Variants in RBFOX1 observed in about 807,000 individuals in gnomAD.
The protein encoded by RBFOX1 is RNA binding fox-1 homolog 1, also known as RNA binding protein fox-1 homolog 1.
In RBFOX1, 8 loss-of-function variants were observed where a neutral mutation model predicts 57.7. The observed-to-expected ratio is 0.14, with a 90% confidence interval of 0.08 to 0.25. RBFOX1 has a LOEUF of 0.25. Ranked by LOEUF, RBFOX1 falls within the 10% of genes least tolerant of loss-of-function variation. RBFOX1 has a pLI of 1.00. For missense variants in RBFOX1, 611 were observed against 548.5 expected (o/e 1.11, Z -1.14); for synonymous variants, 326 against 222.4 (o/e 1.47, Z -4.15).
intron 1 of RBFOX1, among the ~76,000 whole-genome samples, chr16:5,358,294 A>C (rs540602004): frequency 1.4e-5 from 2 of 142,764 alleles, no homozygotes; most frequent in Admixed American, 1.3e-4. Flanking sequence ...ATTAGGGCCC[A>C]TTCTGTTCCA....
chr16:6,751,750 G>A (rs988759495), intron 3 of RBFOX1, among the ~76,000 whole-genome samples: 4 of 152,238 alleles, frequency 2.6e-5, no homozygotes, highest in Admixed American at 6.5e-5. Flanking sequence ...TTGAACCTGC[G>A]TTGTTTACTG....
intron 3 of RBFOX1, among the ~76,000 whole-genome samples, chr16:5,811,238 G>C (rs1306725173): frequency 7.1e-6 from 1 of 140,966 alleles, no homozygotes; most frequent in Non-Finnish European, 1.5e-5. Context: ...CGCCTCCCAG[G>C]TTCTTCCACC....
intron 2 of RBFOX1, among the ~76,000 whole-genome samples, chr16:6,341,293 C>T (rs748820908): frequency 2.6e-5 from 4 of 152,166 alleles, no homozygotes; most frequent in South Asian, 2.1e-4. Context: ...TTTTCAAAGC[C>T]GACAATGGCA....
At chr16:7,405,619 C>T (rs554483711) in intron 4 of RBFOX1, among the ~76,000 whole-genome samples, 8 of 152,270 alleles carry the variant, frequency 5.3e-5, no homozygotes, top group African/African-American at 9.6e-5. Flanking sequence ...GATCTGCTCA[C>T]ACATTGTTAT....
chr16:7,642,855 T>A (rs1398134082), intron 11 of RBFOX1, among the ~76,000 whole-genome samples: 4 of 152,184 alleles, frequency 2.6e-5, no homozygotes. Context: ...GCAAATGCCT[T>A]TTGCAGTTCT....
intron 5 of RBFOX1, among the ~76,000 whole-genome samples, chr16:7,564,026 A>G (rs900613603): frequency 6.6e-6 from 1 of 152,190 alleles, no homozygotes; most frequent in East Asian, 1.9e-4. Context: ...AGGTGTTTGT[A>G]GGCGCTGCCT....
chr16:5,916,447 T>C (rs1414814316), intron 4 of RBFOX1, among the ~76,000 whole-genome samples: 3 of 152,130 alleles, frequency 2.0e-5, no homozygotes, highest in Non-Finnish European at 4.4e-5. Context: ...AGAAAAGTCT[T>C]AGGGAAAAGG....
chr16:6,874,272 G>A (rs762912163), intron 3 of RBFOX1, among the ~76,000 whole-genome samples: 1 of 152,084 alleles, frequency 6.6e-6, no homozygotes, highest in Non-Finnish European at 1.5e-5. Flanking sequence ...CACTTCGGGA[G>A]GCTGAGGCAG....
intron 2 of RBFOX1, among the ~76,000 whole-genome samples, chr16:5,495,000 A>T (rs1218238920): frequency 6.6e-6 from 1 of 152,172 alleles, no homozygotes; most frequent in African/African-American, 2.4e-5. Flanking sequence ...TTACGTGACT[A>T]GTGTATTAGT....
chr16:5,744,821 G>A (rs572295806), intron 3 of RBFOX1, among the ~76,000 whole-genome samples: 75 of 152,200 alleles, frequency 4.9e-4, no homozygotes, highest in African/African-American at 1.5e-3. Context: ...GCAGTGGTGC[G>A]ATCTCAGCTC....
intron 3 of RBFOX1, among the ~76,000 whole-genome samples, chr16:5,853,838 C>G (rs2056957915): frequency 6.6e-6 from 1 of 152,300 alleles, no homozygotes; most frequent in East Asian, 1.9e-4. Context: ...TCACTGCAGC[C>G]TTGAACTCCT....
rs140917584 is a variant in RBFOX1, at chr16:7,576,729, C to T, written c.271-3048C>T. Reference sequence around the variant, plus strand: ...ATCATTTAATATGTTTAATCATAATCTCTGTAATTCCTAATTAGGTTCATT... The same window carrying T: ...ATCATTTAATATGTTTAATCATAATTTCTGTAATTCCTAATTAGGTTCATT... On this transcript the variant is annotated intron_variant, in intron 5 of 15. Coordinates refer to ENST00000550418, the MANE Select transcript of RBFOX1 (RefSeq NM_018723.4). Among the ~76,000 whole-genome samples the T allele has an allele frequency of 4.5e-4, 68 of 152,286 alleles. 1 individual carries two copies. Among genetic ancestry groups the T allele is most frequent in the African/African-American group, 1.6e-3 (66 of 41,566 alleles).
At chr16:5,857,097 C>T (rs1057307405) in intron 3 of RBFOX1, among the ~76,000 whole-genome samples, 4 of 152,084 alleles carry the variant, frequency 2.6e-5, no homozygotes, top group African/African-American at 9.7e-5. Context: ...TTCACTTGAA[C>T]ACTTAAAGGT....
intron 2 of RBFOX1, among the ~76,000 whole-genome samples, chr16:5,583,924 C>T (rs1010786928): frequency 6.6e-6 from 1 of 152,214 alleles, no homozygotes; most frequent in Non-Finnish European, 1.5e-5. Flanking sequence ...GTGCCATCTT[C>T]CTTTGGAGGG....
At chr16:6,755,961 C>G (rs1314511945) in intron 3 of RBFOX1, among the ~76,000 whole-genome samples, 1 of 152,144 alleles carries the variant, frequency 6.6e-6, no homozygotes, top group African/African-American at 2.4e-5. Context: ...CCATTTACAG[C>G]CAGTTTCAAA....
intron 2 of RBFOX1, among the ~76,000 whole-genome samples, chr16:6,498,137 A>C (rs560783834): frequency 6.6e-6 from 1 of 151,982 alleles, no homozygotes; most frequent in South Asian, 2.1e-4. Context: ...CTGTAGTCCC[A>C]GCTACCTGGA....
chr16:7,168,007 C>G (rs573411993), intron 4 of RBFOX1, among the ~76,000 whole-genome samples: 59 of 152,200 alleles, frequency 3.9e-4, no homozygotes, highest in African/African-American at 1.3e-3. Flanking sequence ...TTTTTTTAAA[C>G]TTACATTTCA....
At chr16:7,156,943 C>G (rs2077273479) in intron 4 of RBFOX1, among the ~76,000 whole-genome samples, 1 of 152,154 alleles carries the variant, frequency 6.6e-6, no homozygotes, top group South Asian at 2.1e-4. Context: ...AACCTGTTCT[C>G]TTTACAGCAA....
chr16:5,564,588 C>A (rs2045996784), intron 2 of RBFOX1, among the ~76,000 whole-genome samples: 1 of 152,148 alleles, frequency 6.6e-6, no homozygotes, highest in Non-Finnish European at 1.5e-5. Context: ...ATGGCTTAAT[C>A]TGTGTGGTCT....
Sources: allele counts gnomAD v4.1 joint callset (sites outside exome capture counted in the v4.1 genomes callset), GRCh38; gene constraint gnomAD v4.1.1; transcripts MANE v1.5; gene names NCBI Gene and HGNC (gene_info 2026-07-23, HGNC 2026-07-21).